FBXL17: variants seen among roughly 807,000 people sequenced by gnomAD.
FBXL17 encodes the protein F-box and leucine rich repeat protein 17, also known as F-box/LRR-repeat protein 17.
FBXL17 carries 22 observed loss-of-function variants against 66.2 expected under a neutral mutation model. The ratio of observed to expected loss-of-function variants is 0.33; its 90% confidence interval spans 0.24 to 0.47. The LOEUF is 0.47. Ranked by LOEUF, FBXL17 falls within the 20% of genes least tolerant of loss-of-function variation. The probability of loss-of-function intolerance (pLI) is 1.00; values close to 1 mark genes in which losing one functional copy is unlikely to be tolerated. For synonymous variants in FBXL17, 474 were observed against 400.5 expected, an observed-to-expected ratio of 1.18 and a Z score of -2.19; for missense variants, 878 against 948.2, an observed-to-expected ratio of 0.93 and a Z score of 0.97.
At chr5:108,178,619 G>A (rs1245481208) in intron 6 of FBXL17, among the ~76,000 whole-genome samples, 2 of 152,120 alleles carry the variant, frequency 1.3e-5, no homozygotes, top group African/African-American at 2.4e-5. Context: ...TCAGTGGATT[G>A]CAGAAATAAG....
intron 6 of FBXL17, among the ~76,000 whole-genome samples, chr5:108,074,517 T>G (rs1243253150): frequency 6.6e-6 from 1 of 152,128 alleles, no homozygotes; most frequent in Admixed American, 6.5e-5. Context: ...TTATGAATTG[T>G]TTTCCCATTA....
At chr5:107,960,260 T>C (rs185448809) in intron 7 of FBXL17, among the ~76,000 whole-genome samples, 87 of 152,326 alleles carry the variant, frequency 5.7e-4, no homozygotes, top group African/African-American at 2.0e-3. Context: ...TACAATGTGA[T>C]ATTTTAAGAT....
At chr5:107,967,198 G>T (rs1256553637) in intron 7 of FBXL17, among the ~76,000 whole-genome samples, 1 of 151,744 alleles carries the variant, frequency 6.6e-6, no homozygotes, top group Non-Finnish European at 1.5e-5. Flanking sequence ...TTTAAATTGT[G>T]TATACCAAGG....
chr5:108,200,253 C>A (rs574286065), intron 5 of FBXL17, among the ~76,000 whole-genome samples: 1 of 152,080 alleles, frequency 6.6e-6, no homozygotes, highest in East Asian at 1.9e-4. Flanking sequence ...ATGCAGCCTG[C>A]AAAGTTAAGC....
chr5:108,238,835 A>G (rs1561482379), intron 4 of FBXL17, among the ~76,000 whole-genome samples: 1 of 152,202 alleles, frequency 6.6e-6, no homozygotes, highest in Non-Finnish European at 1.5e-5. Context: ...TATATATGCC[A>G]TAATTCCATG....
chr5:107,929,508 A>G (rs974883980), intron 7 of FBXL17, among the ~76,000 whole-genome samples: 1 of 152,178 alleles, frequency 6.6e-6, no homozygotes, highest in Non-Finnish European at 1.5e-5. Flanking sequence ...ATACTTAAGC[A>G]CACACATAAT....
intron 3 of FBXL17, among the ~76,000 whole-genome samples, chr5:108,355,609 A>T (rs915156831): frequency 2.0e-5 from 3 of 152,164 alleles, no homozygotes; most frequent in Non-Finnish European, 4.4e-5. Context: ...TTTTGTTATT[A>T]TAAGATATTT....
At chr5:108,262,234 G>A (rs539218081) in intron 4 of FBXL17, among the ~76,000 whole-genome samples, 2 of 151,616 alleles carry the variant, frequency 1.3e-5, no homozygotes, top group Admixed American at 6.6e-5. Flanking sequence ...CCACCACCAC[G>A]CCCAGCTAAT....
At chr5:108,230,044 A>G (rs572068605) in intron 4 of FBXL17, among the ~76,000 whole-genome samples, 19 of 152,268 alleles carry the variant, frequency 1.2e-4, no homozygotes, top group African/African-American at 4.1e-4. Flanking sequence ...TGCAAAAATG[A>G]CCATAATAAA....
chr5:107,981,574 G>A (rs527558528), intron 7 of FBXL17, among the ~76,000 whole-genome samples: 1 of 152,348 alleles, frequency 6.6e-6, no homozygotes, highest in African/African-American at 2.4e-5. Context: ...ACTCCATTCC[G>A]CTTTGAGTGT....
chr5:108,198,230 G>A (rs2150046005), intron 5 of FBXL17, among the ~76,000 whole-genome samples: 1 of 152,222 alleles, frequency 6.6e-6, no homozygotes, highest in East Asian at 1.9e-4. Context: ...GCATTCAGCA[G>A]CAGCTTTCTC....
At chr5:108,346,747 A>G (rs745603275) in intron 4 of FBXL17, among the ~76,000 whole-genome samples, 2 of 152,156 alleles carry the variant, frequency 1.3e-5, no homozygotes, top group African/African-American at 2.4e-5. Flanking sequence ...CGTCAAAACT[A>G]TAACTAGCAA....
intron 6 of FBXL17, among the ~76,000 whole-genome samples, chr5:108,057,861 C>T (rs764891533): frequency 6.6e-6 from 1 of 152,152 alleles, no homozygotes; most frequent in Non-Finnish European, 1.5e-5. Flanking sequence ...GATTAACTGG[C>T]ACATTTTTTG....
intron 4 of FBXL17, among the ~76,000 whole-genome samples, chr5:108,306,218 A>G (rs977340264): frequency 1.7e-4 from 26 of 152,186 alleles, no homozygotes; most frequent in African/African-American, 6.3e-4. Flanking sequence ...TATATGGGGG[A>G]AAATACACTT....
intron 4 of FBXL17, among the ~76,000 whole-genome samples, chr5:108,295,469 G>A (rs1758307725): frequency 6.6e-6 from 1 of 151,910 alleles, no homozygotes; most frequent in South Asian, 2.1e-4. Flanking sequence ...AATTGTTCAA[G>A]GAGACAAAGT....
chr5:107,979,033 T>C (rs1250798483), intron 7 of FBXL17, among the ~76,000 whole-genome samples: 1 of 152,212 alleles, frequency 6.6e-6, no homozygotes, highest in Non-Finnish European at 1.5e-5. Flanking sequence ...GTTTTCTAAC[T>C]GTAAAATGGG....
intron 7 of FBXL17, among the ~76,000 whole-genome samples, chr5:108,002,347 C>A (rs922992539): frequency 4.0e-5 from 6 of 151,442 alleles, no homozygotes; most frequent in Non-Finnish European, 5.9e-5. Context: ...TTAAAACAAA[C>A]AAAAAAAACT....
intron 7 of FBXL17, among the ~76,000 whole-genome samples, chr5:107,884,492 G>A (rs998828194): frequency 1.3e-5 from 2 of 152,158 alleles, no homozygotes; most frequent in African/African-American, 4.8e-5. Context: ...TGGTCAGAAC[G>A]GATTTCTCTT....
At chr5:108,193,729 CTAG>C (rs1291248212) in intron 5 of FBXL17, among the ~76,000 whole-genome samples, 11 of 152,064 alleles carry the variant, frequency 7.2e-5, no homozygotes, top group African/African-American at 1.2e-4. Context: ...ACAGCAATTG[CTAG>C]TACTATGAAA....
Sources: allele counts gnomAD v4.1 joint callset (sites outside exome capture counted in the v4.1 genomes callset), GRCh38; gene constraint gnomAD v4.1.1; transcripts MANE v1.5; gene names NCBI Gene and HGNC (gene_info 2026-07-23, HGNC 2026-07-21).